The following LY96 variants were observed in gnomAD, a reference collection of about 807,000 sequenced individuals.
LY96 encodes myeloid differentiation protein-2.
A neutral mutation model predicts 18.9 loss-of-function variants in LY96; 18 were observed. That is an observed-to-expected ratio of 0.95 (90% CI 0.66 to 1.41). The LOEUF is 1.41. Among genes scored for constraint, LY96 ranks in the 40% most tolerant of loss-of-function variants. The probability of loss-of-function intolerance (pLI) is 0.00; values close to 1 mark genes in which losing one functional copy is unlikely to be tolerated. For synonymous variants in LY96, 66 were observed against 62.6 expected (o/e 1.06, Z -0.26); for missense variants, 175 against 182.4 (o/e 0.96, Z 0.23).
chr8:74,040,703 T>G, the LY96 span, among the ~76,000 whole-genome samples: 1 of 88,818 alleles, frequency 1.1e-5, no homozygotes, highest in African/African-American at 5.7e-5. Context: ...TGTCTGTTTT[T>G]TTTTTTTTTT....
chr8:74,011,927 G>GTATGGTCA, intron 3 of LY96, among the ~76,000 whole-genome samples: 1 of 150,704 alleles, frequency 6.6e-6, no homozygotes, highest in African/African-American at 2.4e-5. Flanking sequence ...CAAAAGAACA[G>GTATGGTCA]ATAGAAATGG....
At chr8:74,074,899 C>T in the LY96 span, among the ~76,000 whole-genome samples, 3 of 152,236 alleles carry the variant, frequency 2.0e-5, no homozygotes, top group South Asian at 2.1e-4. Context: ...GTTTTGTGAC[C>T]TAACACATGA....
intron 1 of LY96, among the ~76,000 whole-genome samples, chr8:74,000,468 T>C (rs921818076): frequency 1.3e-5 from 2 of 152,184 alleles, no homozygotes; most frequent in Admixed American, 6.5e-5. Context: ...ATTCTGATTA[T>C]GACCACTTAA....
chr8:74,080,899 C>A, the LY96 span, among the ~76,000 whole-genome samples: 1 of 152,212 alleles, frequency 6.6e-6, no homozygotes, highest in African/African-American at 2.4e-5. Context: ...AGAAGAGAGA[C>A]TGAATCAGTT....
chr8:74,047,649 C>A, the LY96 span, among the ~76,000 whole-genome samples: 10 of 152,194 alleles, frequency 6.6e-5, no homozygotes, highest in Admixed American at 5.2e-4. Flanking sequence ...GGCTTTGCGT[C>A]CTGGCTCAGC....
chr8:74,061,731 A>G, the LY96 span, among the ~76,000 whole-genome samples: 4 of 152,226 alleles, frequency 2.6e-5, no homozygotes, highest in African/African-American at 7.2e-5. Flanking sequence ...GTAAAACCTT[A>G]GTTGTGCATT....
the LY96 span, among the ~76,000 whole-genome samples, chr8:74,034,362 A>ACTCT: frequency 4.5e-3 from 688 of 151,590 alleles, 4 homozygotes; most frequent in East Asian, 0.018. Context: ...ATAAAGCGAG[A>ACTCT]CTCTGTGCCT....
intron 4 of LY96, among the ~76,000 whole-genome samples, chr8:74,028,711 C>T (rs943212274): frequency 6.6e-6 from 1 of 151,932 alleles, no homozygotes; most frequent in African/African-American, 2.4e-5. Flanking sequence ...TTGTTATAAA[C>T]TAATATCTAA....
At chr8:74,084,814 C>A in the LY96 span, among the ~76,000 whole-genome samples, 1 of 152,142 alleles carries the variant, frequency 6.6e-6, no homozygotes, top group Non-Finnish European at 1.5e-5. Flanking sequence ...GGGGTTTCAC[C>A]ATGTTGGCCA....
chr8:74,070,938 T>A, the LY96 span, among the ~76,000 whole-genome samples: 1 of 152,200 alleles, frequency 6.6e-6, no homozygotes, highest in African/African-American at 2.4e-5. Flanking sequence ...AAATGATAAT[T>A]TCCTTACTGA....
intron 3 of LY96, among the ~76,000 whole-genome samples, chr8:74,020,724 A>G (rs1259309343): frequency 1.3e-5 from 2 of 152,216 alleles, no homozygotes; most frequent in Non-Finnish European, 2.9e-5. Context: ...AAACAGAGAT[A>G]TAGACCAATG....
the LY96 span, among the ~76,000 whole-genome samples, chr8:74,080,624 C>T: frequency 6.6e-6 from 1 of 152,204 alleles, no homozygotes; most frequent in Admixed American, 6.5e-5. Context: ...GTTTATTCCT[C>T]CCACACTGTT....
the LY96 span, among the ~76,000 whole-genome samples, chr8:74,092,492 A>G: frequency 6.6e-6 from 1 of 152,168 alleles, no homozygotes; most frequent in Non-Finnish European, 1.5e-5. Context: ...TCACTCCATC[A>G]CATCCACTGA....
chr8:74,045,807 C>T, the LY96 span, among the ~76,000 whole-genome samples: 1 of 152,116 alleles, frequency 6.6e-6, no homozygotes, highest in Non-Finnish European at 1.5e-5. Context: ...CTGGAAGTAA[C>T]CCTACAGGGA....
chr8:74,074,509 T>C, the LY96 span, among the ~76,000 whole-genome samples: 1 of 152,122 alleles, frequency 6.6e-6, no homozygotes, highest in Non-Finnish European at 1.5e-5. Flanking sequence ...ATGTTTATTA[T>C]TTCTTTTCTT....
chr8:74,016,796 C>T (rs1242270583), intron 3 of LY96, among the ~76,000 whole-genome samples: 2 of 152,212 alleles, frequency 1.3e-5, no homozygotes, highest in Non-Finnish European at 2.9e-5. Flanking sequence ...CTCCAACAGA[C>T]CTGCATCTGA....
chr8:74,042,472 C>T, the LY96 span, among the ~76,000 whole-genome samples: 13 of 151,860 alleles, frequency 8.6e-5, no homozygotes, highest in South Asian at 8.3e-4. Flanking sequence ...AGTGAGCAAC[C>T]GAGATCGTTC....
At chr8:74,037,554 C>T in the LY96 span, among the ~76,000 whole-genome samples, 1 of 152,110 alleles carries the variant, frequency 6.6e-6, no homozygotes, top group Non-Finnish European at 1.5e-5. Flanking sequence ...ATAGCTTGAG[C>T]CCAGAAGTTT....
chr8:74,077,700 A>G, the LY96 span, among the ~76,000 whole-genome samples: 5 of 151,866 alleles, frequency 3.3e-5, no homozygotes, highest in Admixed American at 2.0e-4. Context: ...TATAAATTAT[A>G]ATGAATATTA....
Sources: allele counts gnomAD v4.1 joint callset (sites outside exome capture counted in the v4.1 genomes callset), GRCh38; gene constraint gnomAD v4.1.1; transcripts MANE v1.5; gene names NCBI Gene and HGNC (gene_info 2026-07-23, HGNC 2026-07-21).